Variants in VPS39 observed in about 807,000 individuals in gnomAD.
The protein encoded by VPS39 is vam6/Vps39-like protein.
A neutral mutation model predicts 121.0 loss-of-function variants in VPS39; 70 were observed. The observed-to-expected ratio is 0.58, with a 90% confidence interval of 0.48 to 0.71. VPS39 has a LOEUF of 0.71. Among genes scored for constraint, VPS39 ranks in the 30% least tolerant of loss-of-function variants. The pLI, the probability that VPS39 is intolerant of heterozygous loss-of-function variation, is 0.00. For missense variants in VPS39, 818 were observed against 1,051.5 expected (o/e 0.78, Z 3.07); for synonymous variants, 378 against 398.1 (o/e 0.95, Z 0.60).
intron 24 of VPS39, 63 bp downstream of exon 24, chr15:42,161,619 C>T (rs747516002): frequency 3.3e-6 from 5 of 1,511,706 alleles, no homozygotes; most frequent in East Asian, 2.3e-5. Context: ...CCATCCTGAG[C>T]GTTCTCCACC....
At chr15:42,180,245 G>A (rs58875026) in intron 8 of VPS39, among the ~76,000 whole-genome samples, 4 of 151,988 alleles carry the variant, frequency 2.6e-5, no homozygotes, top group Non-Finnish European at 4.4e-5. Flanking sequence ...ACTTGCTGTC[G>A]AGTCTTAAAA....
At chr15:42,177,289 C>T (rs2049474087) in intron 10 of VPS39, among the ~76,000 whole-genome samples, 1 of 152,080 alleles carries the variant, frequency 6.6e-6, no homozygotes, top group Non-Finnish European at 1.5e-5. Context: ...CAAATCCACC[C>T]CCTACAGATG....
chr15:42,196,252 C>T (rs111536430), intron 2 of VPS39, among the ~76,000 whole-genome samples: 20,517 of 149,504 alleles, frequency 0.14, 1,751 homozygotes, highest in South Asian at 0.24. Context: ...ATTCAGGACA[C>T]AGGCATGGGC....
chr15:42,208,204 C>T lies in VPS39; in HGVS notation c.-51G>A, dbSNP rs368265559. 1.3e-6 allele frequency: 2 copies of T among 1,551,220 alleles called. No individual in the cohort carries two copies. Among genetic ancestry groups the T allele is most frequent in the East Asian group, 2.4e-5 (1 of 41,006 alleles). The stretch of plus-strand genomic sequence containing the variant: ...CCGTCTCGCCCAGAGTGTTCCGGGC[C>T]GGGCTGGGGTCCGGAACGAGTCTGG... On this transcript the variant is annotated 5_prime_UTR_variant, in exon 1 of 25. Coordinates refer to ENST00000318006, the MANE Select transcript of VPS39 (RefSeq NM_015289.5).
At chr15:42,178,791 CG>C in intron 8 of VPS39, 1 of 543,412 alleles carries the variant, frequency 1.8e-6, no homozygotes, top group Non-Finnish European at 3.1e-6. Flanking sequence ...TCACGTAGGC[CG>C]GAAGTTTGAG....
intron 24 of VPS39, 119 bp downstream of exon 24, chr15:42,161,563 G>A (rs752273053): frequency 1.9e-6 from 2 of 1,049,362 alleles, no homozygotes; most frequent in Non-Finnish European, 3.0e-6. Context: ...AAAGTTGTCA[G>A]GACAGCCAGC....
intron 11 of VPS39, among the ~76,000 whole-genome samples, chr15:42,170,638 G>T (rs2049328320): frequency 6.6e-6 from 1 of 150,502 alleles, no homozygotes; most frequent in Non-Finnish European, 1.5e-5. Flanking sequence ...GTGGGAAAAT[G>T]TTCTGCTATA....
At chr15:42,161,593 G>A (rs746198835) in intron 24 of VPS39, 89 bp downstream of exon 24, 114 of 1,343,260 alleles carry the variant, frequency 8.5e-5, no homozygotes, top group Non-Finnish European at 1.2e-4. Flanking sequence ...CTCCTTCTCT[G>A]TTAAAGGGCA....
chr15:42,178,742 C>A, intron 8 of VPS39, 172 bp from the exon 9 acceptor site: 1 of 959,344 alleles, frequency 1.0e-6, no homozygotes, highest in Admixed American at 2.9e-5. Context: ...AAAAAATTGG[C>A]CTGTAATCCC....
intron 2 of VPS39, among the ~76,000 whole-genome samples, chr15:42,193,106 T>C (rs1027537551): frequency 1.3e-5 from 2 of 152,224 alleles, no homozygotes; most frequent in South Asian, 2.1e-4. Context: ...AACAGAATTT[T>C]CTAAGGCAGA....
intron 21 of VPS39, 24 bp from the exon 22 acceptor site, chr15:42,162,505 C>A: frequency 6.4e-7 from 1 of 1,570,466 alleles, no homozygotes; most frequent in Non-Finnish European, 8.7e-7. Context: ...ACATGAGCTA[C>A]GTCAGGCTGG....
chr15:42,161,860 A>G (rs2140832059), intron 23 of VPS39, 87 bp from the exon 24 acceptor site: 1 of 1,592,110 alleles, frequency 6.3e-7, no homozygotes, highest in Non-Finnish European at 8.6e-7. Context: ...GTCCTCTTTC[A>G]GTCGTCACAG....
intron 6 of VPS39, among the ~76,000 whole-genome samples, 160 bp from the exon 7 acceptor site, chr15:42,187,523 A>G (rs1282880174): frequency 6.6e-6 from 1 of 152,268 alleles, no homozygotes; most frequent in Non-Finnish European, 1.5e-5. Flanking sequence ...ATAAAAATAC[A>G]AGTCCATGAA....
chr15:42,201,095 T>A (rs1430057988), intron 1 of VPS39, among the ~76,000 whole-genome samples: 1 of 152,214 alleles, frequency 6.6e-6, no homozygotes, highest in African/African-American at 2.4e-5. Flanking sequence ...CTGAAAGTGA[T>A]GAATATGTTC....
chr15:42,164,975 G>C (rs770059758), intron 18 of VPS39, 21 bp downstream of exon 18: 30 of 1,613,846 alleles, frequency 1.9e-5, no homozygotes, highest in Non-Finnish European at 2.2e-5. Context: ...GGGCCAACCG[G>C]CTTCCTAAAA....
intron 2 of VPS39, among the ~76,000 whole-genome samples, chr15:42,196,576 A>G (rs1350745856): frequency 6.6e-6 from 1 of 152,226 alleles, no homozygotes; most frequent in African/African-American, 2.4e-5. Flanking sequence ...AATGCTCATC[A>G]TCATCATCAC....
chr15:42,167,988 C>A (rs1238254383), intron 12 of VPS39, among the ~76,000 whole-genome samples: 2 of 152,304 alleles, frequency 1.3e-5, no homozygotes, highest in African/African-American at 4.8e-5. Flanking sequence ...CAGATGTGTA[C>A]ATGCATGTAA....
chr15:42,187,763 A>G lies in VPS39; in HGVS notation c.436T>C (p.Leu146=). ...CCAAGGAACAGTGGACTTACCTGCA[A>G]TTCATGAAATTCCCTGTCCTTCCAG... ...YFWKDREFHE[L]QGDFSVPDVP... Residue 146 remains leucine, a synonymous_variant, in exon 6 of 25, where the codon TTG becomes CTG. Transcript: ENST00000318006. 1 of 1,614,136 alleles carries G rather than the reference A, an allele frequency of 6.2e-7. No individual in the cohort carries two copies. The highest frequency in any genetic ancestry group is 1.3e-5 in the African/African-American group (1 of 75,044).
chr15:42,175,721 C>T (rs1451886222), intron 10 of VPS39, among the ~76,000 whole-genome samples: 3 of 151,988 alleles, frequency 2.0e-5, no homozygotes, highest in African/African-American at 4.8e-5. Context: ...GCTTCCAAAA[C>T]CTGGTGCCAG....
Sources: gnomAD v4.1 joint callset for allele counts (sites outside exome capture counted in the v4.1 genomes callset) on GRCh38, gnomAD v4.1.1 for gene constraint, MANE v1.5 for transcripts, NCBI Gene and HGNC (gene_info 2026-07-23, HGNC 2026-07-21) for gene names.